Variants in SLC68A1 observed in about 807,000 individuals in gnomAD.
The protein encoded by SLC68A1 is major facilitator superfamily domain containing 13A.
chr10:102,475,920 ACATGGT>A, the SLC68A1 span: 1 of 1,613,760 alleles, frequency 6.2e-7, no homozygotes, highest in Non-Finnish European at 8.5e-7. Context: ...AGACGCCTGC[ACATGGT>A]CAAGGCCCAG....
the SLC68A1 span, chr10:102,469,039 G>C: frequency 6.2e-7 from 1 of 1,612,740 alleles, no homozygotes; most frequent in Non-Finnish European, 8.5e-7. Context: ...CATGGGGCTG[G>C]GTCAGCCCCA....
At chr10:102,470,026 C>T in the SLC68A1 span, 2 of 1,614,090 alleles carry the variant, frequency 1.2e-6, no homozygotes. Flanking sequence ...CCTCAATGAC[C>T]CCCTCTTCGG....
At chr10:102,463,539 G>T in the SLC68A1 span, among the ~76,000 whole-genome samples, 1 of 151,784 alleles carries the variant, frequency 6.6e-6, no homozygotes. Flanking sequence ...CCTGATAAGG[G>T]GGAAAACGGG....
chr10:102,463,817 A>G, the SLC68A1 span, among the ~76,000 whole-genome samples: 4 of 152,170 alleles, frequency 2.6e-5, no homozygotes, highest in African/African-American at 9.6e-5. Flanking sequence ...ATAAAAGCCA[A>G]GCATACCCTG....
the SLC68A1 span, among the ~76,000 whole-genome samples, chr10:102,462,601 A>C: frequency 6.6e-6 from 1 of 151,888 alleles, no homozygotes; most frequent in African/African-American, 2.4e-5. Context: ...TCTAGTCTTT[A>C]CCTACCAGGG....
chr10:102,474,027 G>A, the SLC68A1 span: 1 of 1,577,962 alleles, frequency 6.3e-7, no homozygotes, highest in Admixed American at 1.7e-5. Flanking sequence ...GGGCCTGGTA[G>A]CAGGCAAGGG....
the SLC68A1 span, chr10:102,471,216 G>A: frequency 6.2e-7 from 1 of 1,601,844 alleles, no homozygotes; most frequent in African/African-American, 1.3e-5. Context: ...CCTGGGATGT[G>A]TTGGGGGATA....
chr10:102,468,666 CAAA>C, the SLC68A1 span: 96 of 161,388 alleles, frequency 5.9e-4, no homozygotes, highest in East Asian at 4.0e-3. Flanking sequence ...GACTCTGTCT[CAAA>C]AAAAAAAAAA....
At chr10:102,473,158 C>T in the SLC68A1 span, among the ~76,000 whole-genome samples, 1 of 152,050 alleles carries the variant, frequency 6.6e-6, no homozygotes, top group Non-Finnish European at 1.5e-5. Flanking sequence ...CAAGTGCTGC[C>T]GGGTGCAGTG....
chr10:102,470,992 C>G, the SLC68A1 span: 1 of 1,613,324 alleles, frequency 6.2e-7, no homozygotes, highest in South Asian at 1.1e-5. Flanking sequence ...CCTCCTTCCG[C>G]GCTTTCTGCG....
At chr10:102,467,818 G>A in the SLC68A1 span, among the ~76,000 whole-genome samples, 7 of 152,142 alleles carry the variant, frequency 4.6e-5, no homozygotes, top group East Asian at 9.7e-4. Flanking sequence ...CACCATGCCC[G>A]GCTAATTTTT....
chr10:102,469,517 G>C, the SLC68A1 span, among the ~76,000 whole-genome samples: 1 of 151,990 alleles, frequency 6.6e-6, no homozygotes, highest in Non-Finnish European at 1.5e-5. Flanking sequence ...GAGTTTGAAG[G>C]GGGCAGTGGT....
chr10:102,472,013 C>T, the SLC68A1 span: 2 of 455,996 alleles, frequency 4.4e-6, no homozygotes, highest in Middle Eastern at 3.3e-4. Context: ...AGACAGCAAC[C>T]ACTGCCAGGT....
the SLC68A1 span, among the ~76,000 whole-genome samples, chr10:102,463,204 A>C: frequency 1.5e-5 from 2 of 136,796 alleles, no homozygotes; most frequent in East Asian, 2.1e-4. Context: ...ACGGAGTCTC[A>C]CTCTGTCCTC....
chr10:102,465,202 T>C, the SLC68A1 span, among the ~76,000 whole-genome samples: 1 of 151,112 alleles, frequency 6.6e-6, no homozygotes, highest in Non-Finnish European at 1.5e-5. Context: ...GAGGTTGCAG[T>C]GAGCCTAGAT....
chr10:102,471,352 C>G, the SLC68A1 span: 3 of 1,613,756 alleles, frequency 1.9e-6, no homozygotes, highest in Non-Finnish European at 2.5e-6. Flanking sequence ...GCAGCTGGCA[C>G]GCCATCGGAA....
chr10:102,473,292 G>C, the SLC68A1 span, among the ~76,000 whole-genome samples: 1 of 152,166 alleles, frequency 6.6e-6, no homozygotes, highest in Non-Finnish European at 1.5e-5. Flanking sequence ...AATATCATCT[G>C]ATGGGCCTGG....
chr10:102,469,085 A>G, the SLC68A1 span: 46 of 1,614,026 alleles, frequency 2.9e-5, no homozygotes, highest in South Asian at 8.8e-5. Flanking sequence ...GCTGTGGTCT[A>G]TGGCTCCCTG....
the SLC68A1 span, among the ~76,000 whole-genome samples, chr10:102,465,413 A>G: frequency 1.3e-5 from 2 of 152,120 alleles, no homozygotes; most frequent in Non-Finnish European, 2.9e-5. Flanking sequence ...TGACAGAGCG[A>G]GACTCTATCT....
Sources: gnomAD v4.1 joint callset for allele counts (sites outside exome capture counted in the v4.1 genomes callset) on GRCh38, gnomAD v4.1.1 for gene constraint, MANE v1.5 for transcripts, NCBI Gene and HGNC (gene_info 2026-07-23, HGNC 2026-07-21) for gene names.